Variants in SPOCK1 observed in about 807,000 individuals in gnomAD.
SPOCK1 encodes SPARC (osteonectin), cwcv and kazal like domains proteoglycan 1.
A neutral mutation model predicts 55.3 loss-of-function variants in SPOCK1; 23 were observed. The observed-to-expected ratio is 0.42, with a 90% CI of 0.30 to 0.59. The LOEUF is 0.59. Ranked by LOEUF, SPOCK1 falls within the 20% of genes least tolerant of loss-of-function variation. The pLI is 0.22. For missense variants in SPOCK1, 499 were observed against 552.5 expected, an observed-to-expected ratio of 0.90 and a Z score of 0.97; for synonymous variants, 226 against 221.0, an observed-to-expected ratio of 1.02 and a Z score of -0.20.
intron 3 of SPOCK1, among the ~76,000 whole-genome samples, chr5:137,160,571 T>TAATATATTA (rs1491560192): frequency 2.8e-4 from 15 of 53,868 alleles, no homozygotes; most frequent in Admixed American, 2.0e-3. Flanking sequence ...ATATTATATA[T>TAATATATTA]TATATAATAT....
intron 3 of SPOCK1, among the ~76,000 whole-genome samples, chr5:137,233,153 G>C (rs1197788910): frequency 2.0e-5 from 3 of 152,154 alleles, no homozygotes; most frequent in African/African-American, 7.2e-5. Context: ...CCAGGGGAGG[G>C]GCAGGCAGGG....
intron 2 of SPOCK1, among the ~76,000 whole-genome samples, chr5:137,371,798 T>C (rs549931527): frequency 1.3e-5 from 2 of 152,344 alleles, no homozygotes; most frequent in South Asian, 2.1e-4. Flanking sequence ...ACTTACTATA[T>C]GCCGAGTACC....
Position 137,133,353 on chromosome 5 carries a change from G to C in SPOCK1, c.347+7227C>G, listed in dbSNP as rs924258568. Reference sequence around the variant, plus strand: ...CCACTGCACTCCAGCCTGGGTGACAGAGTGAGACTCCATCTCAAAAAAAAA... The same window carrying C: ...CCACTGCACTCCAGCCTGGGTGACACAGTGAGACTCCATCTCAAAAAAAAA... On this transcript the variant is annotated intron_variant, in intron 4 of 10. Coordinates refer to ENST00000394945, the MANE Select transcript of SPOCK1 (RefSeq NM_004598.4). 5.1e-4 allele frequency among the ~76,000 whole-genome samples: 75 copies of C among 148,416 alleles called. 1 individual carries two copies. Among genetic ancestry groups the C allele is most frequent in the African/African-American group, 1.7e-3 (68 of 40,128 alleles).
chr5:137,020,821 A>T (rs1751550974), intron 6 of SPOCK1, among the ~76,000 whole-genome samples: 1 of 152,060 alleles, frequency 6.6e-6, no homozygotes, highest in Non-Finnish European at 1.5e-5. Flanking sequence ...ATGCCCATAA[A>T]TGCCAAAGAA....
At chr5:136,985,006 G>T (rs1217405303) in intron 9 of SPOCK1, 134 bp downstream of exon 9, 1 of 901,084 alleles carries the variant, frequency 1.1e-6, no homozygotes, top group Non-Finnish European at 1.8e-6. Flanking sequence ...GAAGAGCTCT[G>T]CCTGGGGTTA....
rs145817604 is a variant in SPOCK1 at position 137,272,923 on chromosome 5, A to T, written c.187-5868T>A. Among the ~76,000 whole-genome samples, 96 of 152,180 alleles carry T rather than the reference A, an allele frequency of 6.3e-4. 1 individual carries two copies. The highest frequency in any genetic ancestry group is 6.8e-3 in the Middle Eastern group (2 of 294). On this transcript the variant is annotated intron_variant, in intron 2 of 10. Transcript: ENST00000394945. ...CTCTGTATCCCTGTGAAATTCCCATAACTATTACTAGTGTGTGTAAGTACA... is the reference window on the plus strand; with the variant it reads ...CTCTGTATCCCTGTGAAATTCCCATTACTATTACTAGTGTGTGTAAGTACA...
chr5:137,352,109 C>T (rs926435319), intron 2 of SPOCK1, among the ~76,000 whole-genome samples: 2 of 152,194 alleles, frequency 1.3e-5, no homozygotes, highest in African/African-American at 2.4e-5. Context: ...TCTCTTCCCC[C>T]TCATGAGTAA....
chr5:137,000,720 T>C (rs553372993), intron 6 of SPOCK1, among the ~76,000 whole-genome samples: 102 of 152,336 alleles, frequency 6.7e-4, no homozygotes, highest in African/African-American at 2.3e-3. Flanking sequence ...ACAGTCATTC[T>C]GCCTTAAAAG....
At chr5:137,339,923 GC>G (rs1376226272) in intron 2 of SPOCK1, among the ~76,000 whole-genome samples, 3 of 152,166 alleles carry the variant, frequency 2.0e-5, no homozygotes, top group Admixed American at 6.5e-5. Flanking sequence ...CCTGAGGTCT[GC>G]CCACGGGGTC....
chr5:137,249,655 G>C (rs1183771810), intron 3 of SPOCK1, among the ~76,000 whole-genome samples: 1 of 152,150 alleles, frequency 6.6e-6, no homozygotes, highest in Non-Finnish European at 1.5e-5. Flanking sequence ...TGAAGTATTT[G>C]AATTTTTATG....
intron 2 of SPOCK1, among the ~76,000 whole-genome samples, chr5:137,432,602 G>A (rs1752772774): frequency 1.3e-5 from 2 of 152,054 alleles, no homozygotes; most frequent in Admixed American, 1.3e-4. Flanking sequence ...TGGTTGCCTG[G>A]GGCTGGGAGA....
intron 6 of SPOCK1, among the ~76,000 whole-genome samples, chr5:137,063,521 A>C (rs1181727134): frequency 6.6e-6 from 1 of 152,186 alleles, no homozygotes; most frequent in Non-Finnish European, 1.5e-5. Flanking sequence ...GAAGCAGAGC[A>C]CACTAGGAGA....
intron 2 of SPOCK1, among the ~76,000 whole-genome samples, chr5:137,319,163 A>G (rs1757935698): frequency 6.6e-6 from 1 of 152,258 alleles, no homozygotes; most frequent in Admixed American, 6.5e-5. Context: ...TGTTTGAGAC[A>G]TCACAGAAAC....
chr5:137,422,048 C>T (rs1271961576), intron 2 of SPOCK1, among the ~76,000 whole-genome samples: 2 of 152,196 alleles, frequency 1.3e-5, no homozygotes, highest in Admixed American at 6.5e-5. Context: ...ATTTCTCCTT[C>T]ACTTATGAAG....
intron 6 of SPOCK1, among the ~76,000 whole-genome samples, chr5:137,035,334 G>A (rs980811246): frequency 6.6e-6 from 1 of 152,194 alleles, no homozygotes; most frequent in Admixed American, 6.5e-5. Context: ...CCCTGGGGAA[G>A]ATACAGGGTC....
chr5:137,454,729 T>C (rs531765075), intron 2 of SPOCK1, among the ~76,000 whole-genome samples: 30 of 152,340 alleles, frequency 2.0e-4, no homozygotes, highest in Admixed American at 9.8e-4. Flanking sequence ...TAATTTTGTT[T>C]TGGCAAAGGA....
intron 4 of SPOCK1, among the ~76,000 whole-genome samples, chr5:137,125,846 T>C (rs1000905682): frequency 1.3e-5 from 2 of 152,198 alleles, no homozygotes; most frequent in Non-Finnish European, 2.9e-5. Context: ...TGAATGTGCA[T>C]GCTGGCAAGA....
intron 2 of SPOCK1, among the ~76,000 whole-genome samples, chr5:137,469,305 T>G (rs1011795181): frequency 1.3e-5 from 2 of 152,244 alleles, no homozygotes; most frequent in Non-Finnish European, 2.9e-5. Flanking sequence ...TAGTCAGCTT[T>G]CCAGAACCCG....
intron 2 of SPOCK1, among the ~76,000 whole-genome samples, chr5:137,410,511 G>A (rs1752187156): frequency 1.3e-5 from 2 of 152,198 alleles, no homozygotes; most frequent in South Asian, 2.1e-4. Flanking sequence ...CATGGATCAC[G>A]GCTGTCAGGT....
Sources: allele counts gnomAD v4.1 joint callset (sites outside exome capture counted in the v4.1 genomes callset), GRCh38; gene constraint gnomAD v4.1.1; transcripts MANE v1.5; gene names NCBI Gene and HGNC (gene_info 2026-07-23, HGNC 2026-07-21).